CCDC141: variants seen among roughly 807,000 people sequenced by gnomAD.
CCDC141 encodes coiled-coil domain-containing protein 141.
Under a neutral mutation model 181.0 loss-of-function variants are expected in CCDC141, and 168 were observed. That is an observed-to-expected ratio of 0.93 (90% confidence interval 0.82 to 1.05). The LOEUF (loss-of-function observed/expected upper bound fraction) is 1.05, where lower values mean the gene tolerates loss of function less well. CCDC141 is among the 50% of genes least tolerant of loss of function. The pLI, the probability that CCDC141 is intolerant of heterozygous loss-of-function variation, is 0.00. For missense variants in CCDC141, 1,902 were observed against 1,788.5 expected, an observed-to-expected ratio of 1.06 and a Z score of -1.14; for synonymous variants, 666 against 642.3, an observed-to-expected ratio of 1.04 and a Z score of -0.56.
At chr2:178,913,303 A>G (rs1172729264) in intron 7 of CCDC141, among the ~76,000 whole-genome samples, 1 of 152,144 alleles carries the variant, frequency 6.6e-6, no homozygotes, top group Non-Finnish European at 1.5e-5. Flanking sequence ...AAGTAATTAT[A>G]TTTTCCTTGA....
intron 2 of CCDC141, among the ~76,000 whole-genome samples, chr2:179,033,902 T>C (rs978484549): frequency 1.3e-5 from 2 of 152,228 alleles, no homozygotes; most frequent in African/African-American, 2.4e-5. Context: ...CTTCTGAATT[T>C]ATCTATGTCA....
the CCDC141 span, among the ~76,000 whole-genome samples, chr2:178,822,009 A>T: frequency 2.6e-5 from 4 of 152,216 alleles, no homozygotes; most frequent in Non-Finnish European, 5.9e-5. Flanking sequence ...AACCAGCCCA[A>T]ATGTCCATCA....
chr2:178,842,994 G>C (rs1208200804), intron 22 of CCDC141, among the ~76,000 whole-genome samples: 3 of 152,076 alleles, frequency 2.0e-5, no homozygotes, highest in Non-Finnish European at 4.4e-5. Context: ...GGGTAGAGGG[G>C]GAGTGCAGGG....
Position 179,033,766 on chromosome 2 carries a change from A to G in CCDC141, c.225+13518T>C, listed in dbSNP as rs142474775. Among the ~76,000 whole-genome samples the G allele has an allele frequency of 4.4e-3, 668 of 152,254 alleles. 5 individuals are homozygous for G. The highest frequency in any genetic ancestry group is 0.015 in the African/African-American group (640 of 41,536). On this transcript the variant is annotated intron_variant, in intron 2 of 23. Coordinates refer to ENST00000443758, the MANE Select transcript of CCDC141 (RefSeq NM_173648.4). ...TTATATTTTAAAGGACTACCTTCTA[A>G]ATAGAAAATTAATAGCTGGAGACTA...
intron 2 of CCDC141, among the ~76,000 whole-genome samples, chr2:178,981,646 A>ATG (rs1691405483): frequency 3.1e-5 from 3 of 95,588 alleles, no homozygotes; most frequent in Non-Finnish European, 4.9e-5. Context: ...GTATATATAT[A>ATG]TATATATATA....
At chr2:178,861,089 A>C (rs1042059087) in intron 17 of CCDC141, among the ~76,000 whole-genome samples, 5 of 152,006 alleles carry the variant, frequency 3.3e-5, no homozygotes, top group African/African-American at 1.2e-4. Context: ...GATGGGGCCC[A>C]CTAGAGGAAT....
At chr2:178,835,744 C>G (rs553349473) in intron 23 of CCDC141, 1 of 152,304 alleles carries the variant, frequency 6.6e-6, no homozygotes, top group Admixed American at 6.5e-5. Flanking sequence ...ACAAGAAACA[C>G]ATCTGACAAC....
chr2:179,011,261 T>C (rs550461134), intron 2 of CCDC141, among the ~76,000 whole-genome samples: 1 of 152,050 alleles, frequency 6.6e-6, no homozygotes, highest in South Asian at 2.1e-4. Context: ...TCACGTAAAC[T>C]TAAAGTGTTG....
intron 2 of CCDC141, among the ~76,000 whole-genome samples, chr2:179,025,049 C>G (rs1200751533): frequency 6.6e-6 from 1 of 151,888 alleles, no homozygotes; most frequent in Non-Finnish European, 1.5e-5. Context: ...CCTACTTAGG[C>G]CTTCCTTCCT....
chr2:179,017,235 G>GA (rs201021127), intron 2 of CCDC141, among the ~76,000 whole-genome samples: 3 of 150,824 alleles, frequency 2.0e-5, no homozygotes, highest in Admixed American at 6.6e-5. Context: ...GTTGACTTTT[G>GA]AAAAAAAATA....
chr2:179,040,514 C>G (rs980083316), intron 2 of CCDC141, among the ~76,000 whole-genome samples: 9 of 152,202 alleles, frequency 5.9e-5, no homozygotes, highest in Admixed American at 5.9e-4. Flanking sequence ...AGGTATTCTT[C>G]CTGATGCTCT....
intron 8 of CCDC141, among the ~76,000 whole-genome samples, chr2:178,891,408 C>T (rs1487212708): frequency 6.6e-6 from 1 of 152,154 alleles, no homozygotes. Context: ...AGAGGTCACA[C>T]TCTGCCACCT....
chr2:178,902,547 A>G (rs1159745596), intron 8 of CCDC141, among the ~76,000 whole-genome samples: 3 of 152,230 alleles, frequency 2.0e-5, no homozygotes, highest in Non-Finnish European at 4.4e-5. Context: ...AAAACTGGCT[A>G]GCCATATGTA....
Position 178,881,360 on chromosome 2 carries a change from A to G in CCDC141, c.1720-3217T>C, listed in dbSNP as rs1282275668. Among the ~76,000 whole-genome samples, 4 of 152,196 alleles carry G rather than the reference A, an allele frequency of 2.6e-5. No homozygotes were observed. In the East Asian group the frequency reaches 5.8e-4, roughly 22 times the overall value. ...ATGGTGGTTGCATGATTCTATAAAT[A>G]TAGGAAAAATCATTGCATTATGAAA... is the stretch of plus-strand genomic sequence containing the variant. On this transcript the variant is annotated intron_variant, in intron 11 of 23. Coordinates refer to ENST00000443758, the MANE Select transcript of CCDC141 (RefSeq NM_173648.4).
At chr2:178,999,623 T>A (rs1226878444) in intron 2 of CCDC141, among the ~76,000 whole-genome samples, 1 of 152,204 alleles carries the variant, frequency 6.6e-6, no homozygotes, top group African/African-American at 2.4e-5. Context: ...GATTCTTTTT[T>A]TAGTCTTATC....
In CCDC141 at chr2:178,853,592, T is replaced by G. The variant is rs1489123231; in HGVS notation, c.3093A>C (p.Thr1031=). The part of the protein sequence containing the change: ...CHFWYEDASA[T]VVRVGKYSTE... ...TGGAATATTTTCCAACTCTTACAAC[T>G]GTGGCACTTGCATCTTCGTACCAAA... Residue 1031 remains threonine, a synonymous_variant, in exon 20 of 24, where the codon ACA becomes ACC. Transcript: ENST00000443758. 6.2e-7 allele frequency: 1 copy of G among 1,613,352 alleles called. No individual in the cohort carries two copies. Among genetic ancestry groups the G allele is most frequent in the African/African-American group, 1.3e-5 (1 of 75,000 alleles).
At chr2:179,023,305 C>A (rs1465626577) in intron 2 of CCDC141, among the ~76,000 whole-genome samples, 2 of 152,132 alleles carry the variant, frequency 1.3e-5, no homozygotes, top group Non-Finnish European at 2.9e-5. Flanking sequence ...CTCCATTTCA[C>A]AGATGAGGAA....
At chr2:178,843,784 T>A (rs1230935682) in intron 22 of CCDC141, among the ~76,000 whole-genome samples, 1 of 152,208 alleles carries the variant, frequency 6.6e-6, no homozygotes, top group Non-Finnish European at 1.5e-5. Context: ...TGGAGAATCA[T>A]TACATCTGAT....
chr2:178,978,367 T>C (rs1691216418), intron 3 of CCDC141, 117 bp downstream of exon 3: 2 of 591,984 alleles, frequency 3.4e-6, no homozygotes, highest in South Asian at 1.2e-4. Flanking sequence ...TATGTTTTGG[T>C]TATTCTGCCA....
Sources: allele counts gnomAD v4.1 joint callset (sites outside exome capture counted in the v4.1 genomes callset), GRCh38; gene constraint gnomAD v4.1.1; transcripts MANE v1.5; gene names NCBI Gene and HGNC (gene_info 2026-07-23, HGNC 2026-07-21).